EIF4G1: variants seen among roughly 807,000 people sequenced by gnomAD.
EIF4G1 encodes the protein EIF4-gamma.
A neutral mutation model predicts 187.8 loss-of-function variants in EIF4G1; 4 were observed. The observed-to-expected ratio is 0.02, with a 90% CI of 0.01 to 0.05. The LOEUF (loss-of-function observed/expected upper bound fraction) is 0.05, where lower values mean the gene tolerates loss of function less well. EIF4G1 is among the 10% of genes least tolerant of loss of function. The probability of loss-of-function intolerance (pLI) is 1.00; values close to 1 mark genes in which losing one functional copy is unlikely to be tolerated. For missense variants in EIF4G1, 1,647 were observed against 2,081.1 expected (o/e 0.79, Z 4.06); for synonymous variants, 844 against 781.4 (o/e 1.08, Z -1.34).
intron 21 of EIF4G1, 131 bp downstream of exon 21, chr3:184,326,082 C>T (rs1724837029): frequency 5.2e-6 from 5 of 959,020 alleles, no homozygotes; most frequent in Non-Finnish European, 8.1e-6. Flanking sequence ...GGAGACAGGA[C>T]TGCCAGCTGT....
chr3:184,317,542 C>T (rs908776692), intron 5 of EIF4G1, 45 bp downstream of exon 5: 1 of 1,609,634 alleles, frequency 6.2e-7, no homozygotes, highest in Non-Finnish European at 8.5e-7. Flanking sequence ...ACCCCTATAC[C>T]TCTCACTTAA....
chr3:184,334,916 T>G lies in EIF4G1; in HGVS notation c.*8T>G. 1.2e-6 allele frequency: 2 copies of G among 1,613,786 alleles called. No homozygotes were observed. The highest frequency in any genetic ancestry group is 1.3e-5 in the African/African-American group (1 of 75,026). ...GAGTCTGACCACAACTGAGGGCTGG[T>G]GGGGCCGGGGACCTGGAGCCCCATG... is the stretch of plus-strand genomic sequence containing the variant. On this transcript the variant is annotated 3_prime_UTR_variant, in exon 33 of 33. Transcript: ENST00000346169. The surrounding 1 kb of genome is among the most constrained non-coding windows in gnomAD (Gnocchi z 5.8).
chr3:184,322,857 G>A lies in EIF4G1; in HGVS notation c.1832G>A (p.Arg611His), dbSNP rs769919030. The A allele has an allele frequency of 8.7e-6, 14 of 1,614,150 alleles. No individual in the cohort carries two copies. Among genetic ancestry groups the A allele is most frequent in the South Asian group, 2.2e-5 (2 of 91,074 alleles). The change falls in exon 13 of 33, where the codon CGT becomes CAT. Residue 611 changes from arginine to histidine, a missense_variant. Coordinates refer to ENST00000346169, the MANE Select transcript of EIF4G1 (RefSeq NM_198241.3). ...CCTCTAAACCTAGAGGAGAAAAAACGTTACGACCGTGAGTTCCTGCTTGGT... is the reference window on the plus strand; with the variant it reads ...CCTCTAAACCTAGAGGAGAAAAAACATTACGACCGTGAGTTCCTGCTTGGT... ...WKPLNLEEKK[R>H]YDREFLLGFQ...
Position 184,321,955 on chromosome 3 carries a change from GGAAGAAGAAGAA to G in EIF4G1, c.1377_1388del (p.Glu462_Glu465del). 1 of 1,612,128 alleles carries G rather than the reference GGAAGAAGAAGAA, an allele frequency of 6.2e-7. No individual in the cohort carries two copies. Among genetic ancestry groups the G allele is most frequent in the African/African-American group, 1.3e-5 (1 of 75,012 alleles). ...CTTCCCCAGCTCAGGAGGAGGAAAT[GGAAGAAGAAGAA>G]GAAGAGGAAGAAGGAGAAGCAGGAG... On this transcript the variant is annotated inframe_deletion, in exon 10 of 33. Transcript: ENST00000346169.
At chr3:184,327,173 T>A in intron 23 of EIF4G1, 43 bp from the exon 24 acceptor site, 1 of 1,609,192 alleles carries the variant, frequency 6.2e-7, no homozygotes, top group Non-Finnish European at 8.5e-7. Flanking sequence ...CATGAGTGCC[T>A]GGGCAGTGCA....
chr3:184,321,853 G>A lies in EIF4G1; in HGVS notation c.1269G>A (p.Glu423=). Residue 423 remains glutamate, a synonymous_variant, in exon 10 of 33, where the codon GAG becomes GAA. Coordinates refer to ENST00000346169, the MANE Select transcript of EIF4G1 (RefSeq NM_198241.3). ...VDLSPVSEPE[E]QAKEVTASMA... is the part of the protein sequence containing the mutation. Reference sequence around the variant, plus strand: ...TAAGCCCAGTCAGTGAGCCAGAGGAGCAGGCCAAGGAGGTGACAGCATCAA... The same window carrying A: ...TAAGCCCAGTCAGTGAGCCAGAGGAACAGGCCAAGGAGGTGACAGCATCAA... 2 of 1,614,118 alleles carry A rather than the reference G, an allele frequency of 1.2e-6. No homozygotes were observed. Among genetic ancestry groups the A allele is most frequent in the Non-Finnish European group, 1.7e-6 (2 of 1,179,976 alleles).
chr3:184,327,190 T>A (rs1725102301), intron 23 of EIF4G1, 26 bp from the exon 24 acceptor site: 1 of 1,611,824 alleles, frequency 6.2e-7, no homozygotes, highest in Admixed American at 1.7e-5. Context: ...TGCAAGTGAG[T>A]GAAAATTTGT....
rs1726652319 is a variant in EIF4G1 at position 184,334,070 on chromosome 3, C to G, written c.4619-657C>G. 6.6e-6 allele frequency among the ~76,000 whole-genome samples: 1 copy of G among 152,078 alleles called. No individual in the cohort carries two copies. The highest frequency in any genetic ancestry group is 2.1e-4 in the South Asian group (1 of 4,822). On this transcript the variant is annotated intron_variant, in intron 32 of 32. Transcript: ENST00000346169. This position sits in a 1 kb window ranked among gnomAD's most constrained non-coding sequence, Gnocchi z 5.8. ...TTTGGTTTGGAAAGACTGGTGGTGC[C>G]TTGTGGGCACTGGGGTCGGTTGTGT...
At position 184,326,993 on chromosome 3, in the gene EIF4G1, C is replaced by T. The variant is rs747582944; in HGVS notation, c.3428+10C>T. The T allele has an allele frequency of 5.6e-6, 9 of 1,614,016 alleles. No individual in the cohort carries two copies. The highest frequency in any genetic ancestry group is 5.0e-5 in the Admixed American group (3 of 59,996). ...GACGTGTGGTGCAGAGGTGAGGTTT[C>T]CTGGACATCTTTGTTATTCACACTG... On this transcript the variant is annotated intron_variant, in intron 23 of 32. Transcript: ENST00000346169.
Position 184,321,748 on chromosome 3 carries a change from C to G in EIF4G1, c.1164C>G (p.Ser388=). Residue 388 remains serine, a synonymous_variant, in exon 10 of 33, where the codon TCC becomes TCG. Coordinates refer to ENST00000346169, the MANE Select transcript of EIF4G1 (RefSeq NM_198241.3). ...TTGCTCCTCCCCCAGCTTGCCCCTCCGAATCCCCTGTGCCCATTGCTCCAA... is the reference window on the plus strand; with the variant it reads ...TTGCTCCTCCCCCAGCTTGCCCCTCGGAATCCCCTGTGCCCATTGCTCCAA... ...PELAPPPACP[S]ESPVPIAPTA... is the part of the protein sequence containing the mutation. The G allele has an allele frequency of 6.2e-7, 1 of 1,601,334 alleles. No individual in the cohort carries two copies. Among genetic ancestry groups the G allele is most frequent in the Non-Finnish European group, 8.5e-7 (1 of 1,171,302 alleles).
rs753234374 is a variant in EIF4G1 at position 184,326,444 on chromosome 3, A to T, written c.3223-83A>T. Reference sequence around the variant, plus strand: ...TGACCCCTGGACTGGGCCATTCACTACCTGTTTGGTTGCATATGGTGGTGC... The same window carrying T: ...TGACCCCTGGACTGGGCCATTCACTTCCTGTTTGGTTGCATATGGTGGTGC... On this transcript the variant is annotated intron_variant, in intron 21 of 32. Transcript: ENST00000346169. The T allele has an allele frequency of 2.5e-5, 35 of 1,424,786 alleles. No homozygotes were observed. In the South Asian group the frequency reaches 3.8e-4, roughly 15 times the overall value. The allele number at this position is 1,424,786 out of a possible 1,614,324, so 88.3% of individuals were successfully genotyped here.
At position 184,327,602 on chromosome 3, in the gene EIF4G1, C is replaced by T. The variant is rs918365913; in HGVS notation, c.3678C>T (p.Ala1226=). The part of the protein sequence containing the change: ...RGRDAVKREA[A]LPPVSPLKAA... ...TTCCCACAGTGAAGCGAGAAGCTGC[C>T]CTACCCCCAGTGAGCCCCCTGAAGG... The change falls in exon 25 of 33, where the codon GCC becomes GCT. Residue 1226 remains alanine (A), a synonymous_variant. Coordinates refer to ENST00000346169, the MANE Select transcript of EIF4G1 (RefSeq NM_198241.3). 1.9e-6 allele frequency: 3 copies of T among 1,614,026 alleles called. No individual in the cohort carries two copies. Among genetic ancestry groups the T allele is most frequent in the Non-Finnish European group, 2.5e-6 (3 of 1,180,012 alleles).
At chr3:184,326,428 G>C in intron 21 of EIF4G1, 99 bp from the exon 22 acceptor site, 1 of 1,244,748 alleles carries the variant, frequency 8.0e-7, no homozygotes, top group Non-Finnish European at 1.2e-6. Flanking sequence ...CTGACCCCTG[G>C]ACTGGGCCAT....
intron 28 of EIF4G1, 155 bp downstream of exon 28, chr3:184,329,145 C>A: frequency 3.6e-6 from 3 of 836,314 alleles, no homozygotes; most frequent in Non-Finnish European, 5.8e-6. Context: ...GGTGGGCCAT[C>A]TCCCGCACAC....
In EIF4G1 at chr3:184,331,760, C is replaced by T. The variant is rs1183893494; in HGVS notation, c.4428C>T (p.Asn1476=). 6.2e-7 allele frequency: 1 copy of T among 1,614,178 alleles called. No homozygotes were observed. The highest frequency in any genetic ancestry group is 1.7e-5 in the Admixed American group (1 of 60,034). The change falls in exon 31 of 33, where the codon AAC becomes AAT. Residue 1476 remains asparagine (N), a synonymous_variant. Transcript: ENST00000346169. Reference sequence around the variant, plus strand: ...TGAGTGAGCAGCAGATAGTATCCAACACGTTAGTTCGAGCCCTCATGACGG... The same window carrying T: ...TGAGTGAGCAGCAGATAGTATCCAATACGTTAGTTCGAGCCCTCATGACGG... ...ANLSEQQIVS[N]TLVRALMTAV...
In EIF4G1 at chr3:184,323,177, G is replaced by A. The variant is rs777304254; in HGVS notation, c.2024G>A (p.Arg675Gln). 3 of 1,614,084 alleles carry A rather than the reference G, an allele frequency of 1.9e-6. No homozygotes were observed. Among genetic ancestry groups the A allele is most frequent in the African/African-American group, 2.7e-5 (2 of 74,938 alleles). Residue 675 changes from arginine to glutamine, a missense_variant, in exon 14 of 33, where the codon CGG becomes CAG. Arg to Gln is a conservative substitution (Grantham distance 43). This residue lies in a region of EIF4G1 where 140 missense variants were observed against 222.2 expected (regional missense o/e 0.63). Transcript: ENST00000346169. This position sits in a 1 kb window ranked among gnomAD's most constrained non-coding sequence, Gnocchi z 6.9. ...ACTCCATCCTTTGCCAACCTTGGCC[G>A]GACAACCCTTAGCACCCGTGGGCCC... is the stretch of plus-strand genomic sequence containing the variant. Reference protein sequence around the residue: ...DFTPSFANLGRTTLSTRGPPR... With the variant: ...DFTPSFANLGQTTLSTRGPPR...
intron 32 of EIF4G1, among the ~76,000 whole-genome samples, chr3:184,333,383 G>C (rs1214099475): frequency 6.6e-6 from 1 of 152,192 alleles, no homozygotes; most frequent in Non-Finnish European, 1.5e-5. Flanking sequence ...TGCCGGCACA[G>C]GGTAACTCAT....
chr3:184,316,079 T>G, intron 3 of EIF4G1, 53 bp from the exon 4 acceptor site: 1 of 1,610,848 alleles, frequency 6.2e-7, no homozygotes, highest in Non-Finnish European at 8.5e-7. Context: ...CAGCTTGGGT[T>G]TCTGCCCCAC....
chr3:184,317,599 C>T (rs1723020213), intron 5 of EIF4G1, 102 bp downstream of exon 5: 1 of 1,543,154 alleles, frequency 6.5e-7, no homozygotes, highest in Non-Finnish European at 8.9e-7. Flanking sequence ...GGTGGGACTT[C>T]CTTCTGGTCA....
Sources: gnomAD v4.1 joint callset for allele counts (sites outside exome capture counted in the v4.1 genomes callset) on GRCh38, gnomAD v4.1.1 for gene constraint, gnomAD v4.1.1 regional missense constraint, Gnocchi (gnomAD v3.1) non-coding constraint, MANE v1.5 for transcripts, NCBI Gene and HGNC (gene_info 2026-07-23, HGNC 2026-07-21) for gene names.